GPHN: variants seen among roughly 807,000 people sequenced by gnomAD.
GPHN encodes the protein gephyrin.
GPHN carries 17 observed loss-of-function variants against 95.5 expected under a neutral mutation model. The ratio of observed to expected loss-of-function variants is 0.18; its 90% CI spans 0.12 to 0.27. GPHN has a LOEUF of 0.27. GPHN is among the 10% of genes least tolerant of loss of function. GPHN has a pLI of 1.00. For missense variants in GPHN, 660 were observed against 978.1 expected, an observed-to-expected ratio of 0.67 and a Z score of 4.34; for synonymous variants, 320 against 322.5, an observed-to-expected ratio of 0.99 and a Z score of 0.08.
At chr14:66,777,854 A>G (rs1260484283) in intron 3 of GPHN, among the ~76,000 whole-genome samples, 1 of 152,158 alleles carries the variant, frequency 6.6e-6, no homozygotes. Flanking sequence ...ATGACAAACC[A>G]ACAGCCAATA....
At position 66,640,056 on chromosome 14, in the gene GPHN, G is replaced by A. The variant is rs138083244; in HGVS notation, c.65-41051G>A. ...TATAATAAAGAAGCTGAAACACCTAGGTGCAATGGATCATATTCTTTTGTT... is the reference window on the plus strand; with the variant it reads ...TATAATAAAGAAGCTGAAACACCTAAGTGCAATGGATCATATTCTTTTGTT... On this transcript the variant is annotated intron_variant, in intron 1 of 22. Transcript: ENST00000478722. 9.0e-4 allele frequency among the ~76,000 whole-genome samples: 137 copies of A among 152,252 alleles called. 1 individual carries two copies. In the East Asian group the frequency reaches 0.022, roughly 25 times the overall value.
At chr14:67,016,664 T>C (rs1027851958) in intron 9 of GPHN, among the ~76,000 whole-genome samples, 1 of 151,994 alleles carries the variant, frequency 6.6e-6, no homozygotes, top group Non-Finnish European at 1.5e-5. Context: ...CCAAGACCCA[T>C]AGAGAGGAGA....
At chr14:67,046,296 A>G (rs1015515586) in intron 10 of GPHN, among the ~76,000 whole-genome samples, 1 of 152,146 alleles carries the variant, frequency 6.6e-6, no homozygotes, top group Non-Finnish European at 1.5e-5. Flanking sequence ...TACTGAAAAC[A>G]GTTGTGAAGG....
chr14:66,619,580 T>C (rs1422524894), intron 1 of GPHN, among the ~76,000 whole-genome samples: 1 of 152,026 alleles, frequency 6.6e-6, no homozygotes, highest in Non-Finnish European at 1.5e-5. Flanking sequence ...TTTTCCTTAT[T>C]GTTGAGATTT....
chr14:67,475,769 C>T, the GPHN span, among the ~76,000 whole-genome samples: 5 of 152,162 alleles, frequency 3.3e-5, no homozygotes, highest in African/African-American at 1.2e-4. Context: ...CTTCAACGCC[C>T]GGCTCCCATG....
chr14:67,582,184 C>G, the GPHN span: 1 of 1,613,512 alleles, frequency 6.2e-7, no homozygotes, highest in African/African-American at 1.3e-5. The surrounding 1 kb of genome is among the most constrained non-coding windows in gnomAD (Gnocchi z 5.0). Flanking sequence ...GGAATTGGCT[C>G]TTGAGATGGC....
At chr14:67,279,152 C>T in the GPHN span, 1 of 1,519,852 alleles carries the variant, frequency 6.6e-7, no homozygotes, top group South Asian at 1.3e-5. Flanking sequence ...AAAAGTGGTA[C>T]AGGTTTTCAT....
the GPHN span, among the ~76,000 whole-genome samples, chr14:67,405,332 A>C: frequency 6.6e-6 from 1 of 152,176 alleles, no homozygotes; most frequent in Non-Finnish European, 1.5e-5. Context: ...TATCATGAAA[A>C]AATGAATTTA....
the GPHN span, among the ~76,000 whole-genome samples, chr14:67,195,982 C>T: frequency 6.6e-6 from 1 of 152,214 alleles, no homozygotes; most frequent in East Asian, 1.9e-4. Context: ...GATGGGGTTT[C>T]GCCATGTTGG....
chr14:67,372,736 G>A, the GPHN span, among the ~76,000 whole-genome samples: 3 of 151,816 alleles, frequency 2.0e-5, no homozygotes, highest in Non-Finnish European at 4.4e-5. Flanking sequence ...GCTGAGGCAG[G>A]AGAATCACTT....
chr14:67,550,604 G>C, the GPHN span, among the ~76,000 whole-genome samples: 1 of 152,204 alleles, frequency 6.6e-6, no homozygotes, highest in Non-Finnish European at 1.5e-5. Context: ...AGAGTGAGAG[G>C]TTCTAGGAAA....
At chr14:66,948,303 A>G (rs2153577183) in intron 8 of GPHN, among the ~76,000 whole-genome samples, 1 of 152,240 alleles carries the variant, frequency 6.6e-6, no homozygotes, top group Admixed American at 6.5e-5. Context: ...AAAAAAAAAC[A>G]AGCTTATATG....
intron 16 of GPHN, among the ~76,000 whole-genome samples, chr14:67,116,329 C>A (rs2078694162): frequency 6.8e-6 from 1 of 147,424 alleles, no homozygotes; most frequent in Non-Finnish European, 1.5e-5. Flanking sequence ...AAGAAAGAAA[C>A]AGAAGGAAAA....
chr14:67,199,062 A>T, the GPHN span: 1 of 827,504 alleles, frequency 1.2e-6, no homozygotes, highest in Non-Finnish European at 2.1e-6. Context: ...CTCTTTTGCC[A>T]TGGCTACCAG....
chr14:66,512,079 G>T (rs1392168889), intron 1 of GPHN, among the ~76,000 whole-genome samples: 1 of 151,816 alleles, frequency 6.6e-6, no homozygotes, highest in Non-Finnish European at 1.5e-5. Context: ...AGAGACTAGA[G>T]GTAATATGGT....
the GPHN span, among the ~76,000 whole-genome samples, chr14:67,485,705 T>C: frequency 6.6e-6 from 1 of 152,194 alleles, no homozygotes; most frequent in African/African-American, 2.4e-5. Flanking sequence ...AAGCAGCCAA[T>C]TGTCATTTTT....
At chr14:67,612,365 A>C in the GPHN span, among the ~76,000 whole-genome samples, 1 of 152,186 alleles carries the variant, frequency 6.6e-6, no homozygotes, top group Admixed American at 6.5e-5. Flanking sequence ...GCATCTTCAT[A>C]CTATGCATGT....
chr14:66,687,137 G>A (rs2067424300), intron 2 of GPHN, among the ~76,000 whole-genome samples: 1 of 152,116 alleles, frequency 6.6e-6, no homozygotes, highest in Admixed American at 6.5e-5. Flanking sequence ...TTGATGTGCT[G>A]CTGGACTCCC....
chr14:67,442,194 C>T, the GPHN span, among the ~76,000 whole-genome samples: 2 of 152,132 alleles, frequency 1.3e-5, no homozygotes, highest in South Asian at 4.1e-4. Context: ...TGCCTAAGCG[C>T]CATGAAAGCC....
Sources: allele counts gnomAD v4.1 joint callset (sites outside exome capture counted in the v4.1 genomes callset), GRCh38; gene constraint gnomAD v4.1.1; non-coding constraint Gnocchi (gnomAD v3.1); transcripts MANE v1.5; gene names NCBI Gene and HGNC (gene_info 2026-07-23, HGNC 2026-07-21).